The following PLSCR5 variants were observed in gnomAD, a reference collection of about 807,000 sequenced individuals.
PLSCR5 encodes phospholipid scramblase family, member 5.
Under a neutral mutation model 33.6 loss-of-function variants are expected in PLSCR5, and 44 were observed. The observed-to-expected ratio is 1.31, with a 90% CI of 1.03 to 1.69. PLSCR5 has a LOEUF of 1.69. Among genes scored for constraint, PLSCR5 ranks in the 40% most tolerant of loss-of-function variants. PLSCR5 has a pLI of 0.00. For synonymous variants in PLSCR5, 148 were observed against 112.3 expected, an observed-to-expected ratio of 1.32 and a Z score of -2.01; for missense variants, 375 against 318.7, an observed-to-expected ratio of 1.18 and a Z score of -1.34.
At chr3:146,599,421 A>T (rs145475520) in intron 2 of PLSCR5, among the ~76,000 whole-genome samples, 211 of 152,114 alleles carry the variant, frequency 1.4e-3, no homozygotes, top group African/African-American at 4.5e-3. Flanking sequence ...TAGTACTTTG[A>T]TCCTTAACAA....
intron 6 of PLSCR5, among the ~76,000 whole-genome samples, chr3:146,588,184 A>G (rs185245721): frequency 2.0e-5 from 3 of 152,146 alleles, no homozygotes; most frequent in African/African-American, 7.2e-5. Context: ...AAAAATGCCA[A>G]TGTCGGCTGG....
At chr3:146,588,017 G>T (rs940589613) in intron 6 of PLSCR5, among the ~76,000 whole-genome samples, 12 of 151,906 alleles carry the variant, frequency 7.9e-5, no homozygotes, top group African/African-American at 2.7e-4. Flanking sequence ...TAAACAATCA[G>T]ATTTAGCATT....
downstream of PLSCR5, among the ~76,000 whole-genome samples, chr3:146,585,664 C>T (rs2044660766): frequency 6.6e-6 from 1 of 151,996 alleles, no homozygotes. Context: ...CAAAAGTGTT[C>T]TCTAAACATT....
intron 4 of PLSCR5, among the ~76,000 whole-genome samples, chr3:146,592,700 T>C (rs1193232421): frequency 6.6e-6 from 1 of 152,202 alleles, no homozygotes; most frequent in Non-Finnish European, 1.5e-5. Context: ...AGAATTAATA[T>C]AGATTTGCTC....
rs374580089 is a variant in PLSCR5, at chr3:146,600,412, T to C, written c.65A>G (p.Asp22Gly). 1.1e-4 allele frequency: 178 copies of C among 1,605,778 alleles called. No individual in the cohort carries two copies. The highest frequency in any genetic ancestry group is 1.3e-4 in the Non-Finnish European group (158 of 1,175,120). The change falls in exon 2 of 8, where the codon GAC becomes GGC. Residue 22 changes from aspartate (D) to glycine (G), a missense_variant. By Grantham distance (94) the Asp-to-Gly change is moderately conservative (BLOSUM62 -1). Coordinates refer to ENST00000443512, the MANE Select transcript of PLSCR5 (RefSeq NM_001085420.2). ...GLPGFLPGAP[D>G]PDQSLPASSN... ...AGAGGCAGGAAGGCTTTGGTCTGGGTCTGGAGCTCCAGGAAGAAAACCAGG... is the reference window on the plus strand; with the variant it reads ...AGAGGCAGGAAGGCTTTGGTCTGGGCCTGGAGCTCCAGGAAGAAAACCAGG...
chr3:146,583,749 A>G (rs2044648729), downstream of PLSCR5, among the ~76,000 whole-genome samples: 1 of 152,118 alleles, frequency 6.6e-6, no homozygotes, highest in South Asian at 2.1e-4. Context: ...ATCTTTAGTG[A>G]GTCTCCCTTT....
chr3:146,594,979 T>C, intron 3 of PLSCR5, 62 bp downstream of exon 3: 5 of 1,068,810 alleles, frequency 4.7e-6, no homozygotes, highest in South Asian at 2.7e-5. Flanking sequence ...GCAAAGAAAC[T>C]TCTGAAAACT....
At chr3:146,592,667 A>G (rs1054922693) in intron 4 of PLSCR5, among the ~76,000 whole-genome samples, 1 of 152,134 alleles carries the variant, frequency 6.6e-6, no homozygotes, top group Non-Finnish European at 1.5e-5. Flanking sequence ...GGATAGATAA[A>G]AGTGATTTCA....
intron 1 of PLSCR5, among the ~76,000 whole-genome samples, chr3:146,604,842 T>G (rs968873279): frequency 1.3e-5 from 2 of 152,162 alleles, no homozygotes; most frequent in Non-Finnish European, 1.5e-5. Context: ...TTCTAACTTA[T>G]GTGTGAAAAG....
chr3:146,585,532 G>A (rs77716533), downstream of PLSCR5, among the ~76,000 whole-genome samples: 2,271 of 152,102 alleles, frequency 0.015, 23 homozygotes, highest in South Asian at 0.025. Flanking sequence ...CCAGTGTAAA[G>A]TAATAATATC....
chr3:146,586,024 A>G lies in PLSCR5; in HGVS notation c.*44+6T>C. The G allele has an allele frequency of 6.9e-7, 1 of 1,448,782 alleles. No homozygotes were observed. Among genetic ancestry groups the G allele is most frequent in the African/African-American group, 1.5e-5 (1 of 67,924 alleles). The allele number at this position is 1,448,782 out of a possible 1,614,324, so 89.7% of individuals were successfully genotyped here. A position where few individuals can be genotyped will look rare whatever the true frequency, so the allele number is the denominator to read the frequency against. ...AAGAGATCATTTAAACTTGCTTTTT[A>G]CTTACTGAAATATGTTCTGCATATT... is the stretch of plus-strand genomic sequence containing the variant. On this transcript the variant is annotated splice_donor_region_variant and intron_variant, in intron 7 of 7. Transcript: ENST00000443512.
chr3:146,605,183 G>A lies in PLSCR5; in HGVS notation c.13+17C>T. 6.2e-7 allele frequency: 1 copy of A among 1,603,942 alleles called. No individual in the cohort carries two copies. On this transcript the variant is annotated intron_variant, in intron 1 of 7. Coordinates refer to ENST00000443512, the MANE Select transcript of PLSCR5 (RefSeq NM_001085420.2). ...TAATATAAGAAAAAGTTATTAGTTG[G>A]TTATATTTACTCTTACCTTTAGAGG...
intron 2 of PLSCR5, among the ~76,000 whole-genome samples, chr3:146,595,800 T>A (rs1411769694): frequency 6.6e-6 from 1 of 152,162 alleles, no homozygotes; most frequent in African/African-American, 2.4e-5. Flanking sequence ...CAATAATGAT[T>A]TGAATGCCTG....
intron 6 of PLSCR5, among the ~76,000 whole-genome samples, chr3:146,589,002 A>G (rs992350278): frequency 7.2e-5 from 11 of 152,184 alleles, no homozygotes; most frequent in African/African-American, 2.7e-4. Flanking sequence ...GTAGGAAATT[A>G]GGTAAATATT....
At chr3:146,589,932 C>T (rs879743676) in intron 5 of PLSCR5, 118 bp from the exon 6 acceptor site, 13 of 632,302 alleles carry the variant, frequency 2.1e-5, no homozygotes, top group African/African-American at 1.9e-4. Flanking sequence ...TTCAAAATGA[C>T]AATTCCATGT....
intron 1 of PLSCR5, among the ~76,000 whole-genome samples, chr3:146,601,931 T>C (rs904262344): frequency 6.6e-6 from 1 of 152,204 alleles, no homozygotes; most frequent in Non-Finnish European, 1.5e-5. Context: ...TTCATTCATT[T>C]ATTTATTTAA....
Position 146,593,932 on chromosome 3 carries a change from G to C in PLSCR5, c.441C>G (p.Cys147Trp). 1 of 1,613,592 alleles carries C rather than the reference G, an allele frequency of 6.2e-7. No homozygotes were observed. Among genetic ancestry groups the C allele is most frequent in the Non-Finnish European group, 8.5e-7 (1 of 1,179,616 alleles). ...GCCAGTAACTAACCTCTTGTAGGTAGCAAGGGCACCAGCAGCTGTTACATC... is the reference window on the plus strand; with the variant it reads ...GCCAGTAACTAACCTCTTGTAGGTACCAAGGGCACCAGCAGCTGTTACATC... ...PLRCNSCWCP[C>W]YLQELEIQAP... Residue 147 changes from cysteine to tryptophan, a missense_variant, in exon 4 of 8, where the codon TGC becomes TGG. Transcript: ENST00000443512.
chr3:146,602,987 C>A (rs1446385913), intron 1 of PLSCR5, among the ~76,000 whole-genome samples: 1 of 152,072 alleles, frequency 6.6e-6, no homozygotes, highest in Non-Finnish European at 1.5e-5. Flanking sequence ...GATTTTAGTT[C>A]ACATTGAAGC....
chr3:146,589,089 A>G (rs2107850151), intron 6 of PLSCR5, among the ~76,000 whole-genome samples: 1 of 152,274 alleles, frequency 6.6e-6, no homozygotes, highest in East Asian at 1.9e-4. Context: ...TTCTATCACC[A>G]ATCTCCATAT....
Sources: allele counts gnomAD v4.1 joint callset (sites outside exome capture counted in the v4.1 genomes callset), GRCh38; gene constraint gnomAD v4.1.1; transcripts MANE v1.5; gene names NCBI Gene and HGNC (gene_info 2026-07-23, HGNC 2026-07-21).